CCDC57: variants seen among roughly 807,000 people sequenced by gnomAD.
The protein encoded by CCDC57 is coiled-coil domain containing 57, also known as coiled-coil domain-containing protein 57.
A neutral mutation model predicts 118.9 loss-of-function variants in CCDC57; 118 were observed. The observed-to-expected ratio is 0.99, with a 90% confidence interval of 0.86 to 1.16. The LOEUF is 1.16. Among genes scored for constraint, CCDC57 ranks in the 50% most tolerant of loss-of-function variants. The pLI is 0.00. For synonymous variants in CCDC57, 527 were observed against 532.9 expected, an observed-to-expected ratio of 0.99 and a Z score of 0.15; for missense variants, 1,300 against 1,320.7, an observed-to-expected ratio of 0.98 and a Z score of 0.24.
intron 19 of CCDC57, among the ~76,000 whole-genome samples, chr17:82,120,333 ACT>A (rs905575734): frequency 3.9e-5 from 6 of 152,070 alleles, no homozygotes; most frequent in Admixed American, 3.9e-4. Context: ...TAGTGTGCAT[ACT>A]CTGTTACCCA....
chr17:82,183,482 GC>G (rs2046454470), intron 9 of CCDC57, among the ~76,000 whole-genome samples: 1 of 152,064 alleles, frequency 6.6e-6, no homozygotes, highest in Non-Finnish European at 1.5e-5. Context: ...ACCACGCTTG[GC>G]AAGAGGAGAT....
intron 17 of CCDC57, among the ~76,000 whole-genome samples, chr17:82,129,709 G>A (rs1381255089): frequency 1.3e-5 from 2 of 152,020 alleles, no homozygotes; most frequent in African/African-American, 4.8e-5. Flanking sequence ...TGATCTGTAG[G>A]AGTTCTTTTC....
At chr17:82,107,796 A>T (rs1232433854) in intron 19 of CCDC57, among the ~76,000 whole-genome samples, 1 of 152,186 alleles carries the variant, frequency 6.6e-6, no homozygotes, top group Non-Finnish European at 1.5e-5. Context: ...CTGGGAGGGA[A>T]CAGCCGCCGG....
At chr17:82,177,021 A>T (rs1042098502) in intron 11 of CCDC57, among the ~76,000 whole-genome samples, 2 of 151,780 alleles carry the variant, frequency 1.3e-5, no homozygotes, top group African/African-American at 2.4e-5. Context: ...CGAGGTGGGC[A>T]GATCACCTGA....
chr17:82,194,546 G>A (rs931519498), intron 5 of CCDC57, among the ~76,000 whole-genome samples: 2 of 151,946 alleles, frequency 1.3e-5, no homozygotes, highest in African/African-American at 4.8e-5. Flanking sequence ...CTGACCTCAG[G>A]TGATCCACCC....
intron 13 of CCDC57, among the ~76,000 whole-genome samples, chr17:82,170,544 G>A (rs1400709190): frequency 6.6e-6 from 1 of 150,950 alleles, no homozygotes; most frequent in Non-Finnish European, 1.5e-5. Flanking sequence ...GACACCAGGA[G>A]TGAGCATGCA....
At chr17:82,163,941 G>A (rs1568326177) in intron 13 of CCDC57, among the ~76,000 whole-genome samples, 1 of 152,194 alleles carries the variant, frequency 6.6e-6, no homozygotes, top group Admixed American at 6.5e-5. Context: ...TTGGGAGGCT[G>A]AGGCAGGAGG....
chr17:82,181,595 C>G (rs1373078830), intron 9 of CCDC57, among the ~76,000 whole-genome samples: 1 of 152,134 alleles, frequency 6.6e-6, no homozygotes, highest in East Asian at 1.9e-4. Context: ...GTAGCTCTCT[C>G]CAGTAGAAAA....
intron 2 of CCDC57, among the ~76,000 whole-genome samples, chr17:82,203,562 C>T (rs1434796688): frequency 1.3e-5 from 2 of 152,180 alleles, no homozygotes; most frequent in Admixed American, 6.5e-5. Flanking sequence ...CCTGCAATCC[C>T]AACATTTTCT....
intron 7 of CCDC57, 130 bp from the exon 7 acceptor site, chr17:82,188,549 G>T: frequency 1.1e-6 from 1 of 929,122 alleles, no homozygotes; most frequent in Non-Finnish European, 1.6e-6. Context: ...AGGCTTCGCA[G>T]CAGCCACCTG....
intron 17 of CCDC57, among the ~76,000 whole-genome samples, chr17:82,133,004 C>T (rs1446490690): frequency 2.0e-5 from 3 of 152,024 alleles, no homozygotes; most frequent in South Asian, 2.1e-4. Flanking sequence ...ATGATCCACC[C>T]GCCTCGGCCT....
At chr17:82,138,143 ATC>A (rs1489026198) in intron 16 of CCDC57, among the ~76,000 whole-genome samples, 1 of 124,760 alleles carries the variant, frequency 8.0e-6, no homozygotes, top group Non-Finnish European at 1.6e-5. Context: ...AGGCAGGAGG[ATC>A]TCTTTTTTTT....
At chr17:82,189,385 A>G (rs963683479) in intron 7 of CCDC57, among the ~76,000 whole-genome samples, 1 of 152,228 alleles carries the variant, frequency 6.6e-6, no homozygotes, top group Non-Finnish European at 1.5e-5. Context: ...TATCAGGTAT[A>G]TGTAATGTTA....
chr17:82,183,719 A>T lies in CCDC57; in HGVS notation c.1211+55T>A. On this transcript the variant is annotated intron_variant, in intron 9 of 19. Coordinates refer to ENST00000665763, the Ensembl canonical transcript of CCDC57. The stretch of plus-strand genomic sequence containing the variant: ...CAGTTTTGAATCCTTAGTACCTACA[A>T]CAGCACCTGCCCATAGGAGACCCTC... The T allele has an allele frequency of 7.9e-6, 12 of 1,510,214 alleles. No homozygotes were observed. In the South Asian group the frequency reaches 8.6e-5, roughly 11 times the overall value. 93.6% of individuals were successfully genotyped at this position (1,510,214 alleles called of 1,614,324 possible). A position where few individuals can be genotyped will look rare whatever the true frequency, so the allele number is the denominator to read the frequency against.
rs55713414 is a variant in CCDC57, at chr17:82,199,477, C to CAAA, written c.408-1058_408-1056dup. Among the ~76,000 whole-genome samples the CAAA allele has an allele frequency of 4.7e-4, 41 of 87,704 alleles. 1 individual carries two copies. The highest frequency in any genetic ancestry group is 1.5e-3 in the African/African-American group (34 of 22,370). 57.5% of individuals were successfully genotyped at this position (87,704 alleles called of 152,430 possible). The stretch of plus-strand genomic sequence containing the variant: ...TGGGCGACAGAGCAAGACTCTGTCT[C>CAAA]AAAAAAAAAAAAAGAGTGTGAGACT... On this transcript the variant is annotated intron_variant, in intron 3 of 19. Coordinates refer to ENST00000665763, the Ensembl canonical transcript of CCDC57.
chr17:82,151,583 C>A (rs887348842), exon 16 of CCDC57: 1 of 1,550,358 alleles, frequency 6.5e-7, no homozygotes, highest in Admixed American at 2.0e-5. Context: ...CAGCTCTGCA[C>A]GGAGCCTGTT....
intron 17 of CCDC57, among the ~76,000 whole-genome samples, chr17:82,131,481 C>T (rs968373961): frequency 2.0e-5 from 3 of 151,920 alleles, no homozygotes; most frequent in Admixed American, 6.6e-5. Context: ...GTGGCTCACG[C>T]CTGTAATCCC....
chr17:82,205,669 G>A (rs1362348143), intron 2 of CCDC57, among the ~76,000 whole-genome samples: 1 of 152,186 alleles, frequency 6.6e-6, no homozygotes, highest in Admixed American at 6.5e-5. Context: ...CAGGCAGCCA[G>A]GACAGGCAGA....
intron 1 of CCDC57, among the ~76,000 whole-genome samples, chr17:82,210,949 G>A (rs192668986): frequency 9.4e-4 from 135 of 143,388 alleles, no homozygotes; most frequent in Non-Finnish European, 1.5e-3. Context: ...GGCCGAGATC[G>A]CGCCACTGAA....
Sources: gnomAD v4.1 joint callset for allele counts (sites outside exome capture counted in the v4.1 genomes callset) on GRCh38, gnomAD v4.1.1 for gene constraint, MANE v1.5 for transcripts, NCBI Gene and HGNC (gene_info 2026-07-23, HGNC 2026-07-21) for gene names.